The following LPGAT1 variants were observed in gnomAD, a reference collection of about 807,000 sequenced individuals.
LPGAT1 encodes the protein lysophosphatidylglycerol acyltransferase 1.
A neutral mutation model predicts 47.5 loss-of-function variants in LPGAT1; 11 were observed. The observed-to-expected ratio is 0.23, with a 90% CI of 0.15 to 0.38. The LOEUF is 0.38. Ranked by LOEUF, LPGAT1 falls within the 10% of genes least tolerant of loss-of-function variation. The probability of loss-of-function intolerance (pLI) is 1.00; values close to 1 mark genes in which losing one functional copy is unlikely to be tolerated. For synonymous variants in LPGAT1, 138 were observed against 144.2 expected (o/e 0.96, Z 0.31); for missense variants, 293 against 439.0 (o/e 0.67, Z 2.97).
intron 2 of LPGAT1, among the ~76,000 whole-genome samples, chr1:211,819,419 G>A (rs1660288233): frequency 6.6e-6 from 1 of 152,150 alleles, no homozygotes; most frequent in African/African-American, 2.4e-5. Context: ...CTTGAGGCCA[G>A]AAGTTTCAGG....
intron 2 of LPGAT1, among the ~76,000 whole-genome samples, chr1:211,812,889 G>A (rs1157722332): frequency 1.3e-5 from 2 of 152,124 alleles, no homozygotes; most frequent in Non-Finnish European, 2.9e-5. Flanking sequence ...TTTGAATGTC[G>A]GGCCTCTAGA....
chr1:211,784,042 C>G lies in LPGAT1; in HGVS notation c.454-540G>C, dbSNP rs80078056. 3.1e-3 allele frequency among the ~76,000 whole-genome samples: 474 copies of G among 152,256 alleles called. 1 individual carries two copies. Among genetic ancestry groups the G allele is most frequent in the African/African-American group, 0.011 (452 of 41,538 alleles). On this transcript the variant is annotated intron_variant, in intron 4 of 7. Transcript: ENST00000366997. ...ATGTGAAGATGCAAGCCATAATATT[C>G]CAGGTGACAAAACAAAAAGGACAAA...
At chr1:211,773,501 C>A (rs1286115733) in intron 6 of LPGAT1, among the ~76,000 whole-genome samples, 2 of 152,174 alleles carry the variant, frequency 1.3e-5, no homozygotes. Flanking sequence ...AACACCTCTG[C>A]TTTTAGTAAT....
At position 211,750,901 on chromosome 1, in the gene LPGAT1, T is replaced by C. The variant is rs995200525; in HGVS notation, c.961+60A>G. 4 of 1,268,746 alleles carry C rather than the reference T, an allele frequency of 3.2e-6. No homozygotes were observed. The Admixed American group carries it at 7.5e-5, about 24-fold the overall frequency. 78.6% of individuals were successfully genotyped at this position (1,268,746 alleles called of 1,614,324 possible). A position where few individuals can be genotyped will look rare whatever the true frequency, so the allele number is the denominator to read the frequency against. On this transcript the variant is annotated intron_variant, in intron 7 of 7. Coordinates refer to ENST00000366997, the MANE Select transcript of LPGAT1 (RefSeq NM_014873.3). ...GATCTAATATGCAAACAGCTTTCTT[T>C]AAAAGAGGCTTTCATTACTGTTGCT...
rs564526210 is a variant in LPGAT1, at chr1:211,754,347, C to A, written c.855-3280G>T. ...GAAGTTCTATGGTATAAGGTTGGCTCCTGGCTTTCCCACAGCTGGCTTGGG... is the reference window on the plus strand; with the variant it reads ...GAAGTTCTATGGTATAAGGTTGGCTACTGGCTTTCCCACAGCTGGCTTGGG... On this transcript the variant is annotated intron_variant, in intron 6 of 7. Coordinates refer to ENST00000366997, the MANE Select transcript of LPGAT1 (RefSeq NM_014873.3). Among the ~76,000 whole-genome samples the A allele has an allele frequency of 2.3e-3, 350 of 152,256 alleles. 3 individuals are homozygous for A. The highest frequency in any genetic ancestry group is 8.4e-4 in the Non-Finnish European group (57 of 68,008).
At chr1:211,756,481 T>C (rs1289909876) in intron 6 of LPGAT1, among the ~76,000 whole-genome samples, 7 of 152,088 alleles carry the variant, frequency 4.6e-5, no homozygotes, top group Admixed American at 4.6e-4. Flanking sequence ...GTGCGCATCA[T>C]CATGCCCAGC....
At chr1:211,799,813 A>T (rs1002356387) in intron 2 of LPGAT1, among the ~76,000 whole-genome samples, 1 of 152,196 alleles carries the variant, frequency 6.6e-6, no homozygotes, top group African/African-American at 2.4e-5. Context: ...GATTGTCTTA[A>T]ATATAATATG....
intron 2 of LPGAT1, among the ~76,000 whole-genome samples, chr1:211,802,289 T>C (rs536710002): frequency 1.3e-3 from 199 of 152,134 alleles, no homozygotes; most frequent in Middle Eastern, 6.8e-3. Flanking sequence ...AAACAGGCGA[T>C]AGCTACGAAA....
intron 6 of LPGAT1, among the ~76,000 whole-genome samples, chr1:211,773,916 T>C (rs1216138053): frequency 6.6e-6 from 1 of 152,150 alleles, no homozygotes; most frequent in East Asian, 1.9e-4. Context: ...GTTGTATGCA[T>C]GCTAATAAAA....
intron 3 of LPGAT1, among the ~76,000 whole-genome samples, chr1:211,788,806 A>G (rs1658991876): frequency 6.6e-6 from 1 of 152,190 alleles, no homozygotes; most frequent in Non-Finnish European, 1.5e-5. Flanking sequence ...CTACAACCTC[A>G]GTCAAGAATG....
chr1:211,783,099 T>C, intron 5 of LPGAT1, 130 bp downstream of exon 5: 1 of 838,620 alleles, frequency 1.2e-6, no homozygotes. Context: ...TTTTAAAAAA[T>C]TACAGTTTCA....
At chr1:211,819,608 T>A (rs1442685103) in intron 2 of LPGAT1, among the ~76,000 whole-genome samples, 1 of 152,012 alleles carries the variant, frequency 6.6e-6, no homozygotes, top group African/African-American at 2.4e-5. Flanking sequence ...GGAGAGCAGC[T>A]TATAGGGCAA....
chr1:211,761,690 T>C (rs1247450341), intron 6 of LPGAT1, among the ~76,000 whole-genome samples: 1 of 152,238 alleles, frequency 6.6e-6, no homozygotes, highest in Non-Finnish European at 1.5e-5. Context: ...TACTTAGAGA[T>C]ACAAATAGTT....
At chr1:211,772,509 G>C (rs976542597) in intron 6 of LPGAT1, among the ~76,000 whole-genome samples, 1 of 152,134 alleles carries the variant, frequency 6.6e-6, no homozygotes, top group African/African-American at 2.4e-5. Context: ...GGTTAATCTG[G>C]AAGAACTGTC....
chr1:211,813,918 C>T (rs536424466), intron 2 of LPGAT1, among the ~76,000 whole-genome samples: 20 of 152,264 alleles, frequency 1.3e-4, no homozygotes, highest in African/African-American at 4.8e-4. Flanking sequence ...AGGTAATAGT[C>T]AAGAACATGA....
At position 211,767,731 on chromosome 1, in the gene LPGAT1, T is replaced by G. The variant is rs1355767345; in HGVS notation, c.854+11187A>C. ...AATTATTAGATAGCTGAAGTAGAGA[T>G]GAAATTATCAATAATTATAAGCAAT... On this transcript the variant is annotated intron_variant, in intron 6 of 7. Coordinates refer to ENST00000366997, the MANE Select transcript of LPGAT1 (RefSeq NM_014873.3). 2.0e-5 allele frequency among the ~76,000 whole-genome samples: 3 copies of G among 152,122 alleles called. No individual in the cohort carries two copies. In the East Asian group the frequency reaches 5.8e-4, roughly 29 times the overall value.
At chr1:211,776,899 T>G (rs1658427901) in intron 6 of LPGAT1, among the ~76,000 whole-genome samples, 1 of 152,154 alleles carries the variant, frequency 6.6e-6, no homozygotes, top group Non-Finnish European at 1.5e-5. Flanking sequence ...CTCCCCACTT[T>G]AAGCAGTTGA....
chr1:211,806,398 C>A (rs141606709), intron 2 of LPGAT1, among the ~76,000 whole-genome samples: 1 of 151,142 alleles, frequency 6.6e-6, no homozygotes, highest in African/African-American at 2.4e-5. Flanking sequence ...GAAGCCATTA[C>A]GCTAAGCAAA....
intron 3 of LPGAT1, chr1:211,792,372 T>C (rs984342881): frequency 6.7e-6 from 1 of 150,266 alleles, no homozygotes; most frequent in African/African-American, 2.4e-5. Flanking sequence ...GCCTCCCGAG[T>C]AGCTGGAACT....
Sources: allele counts gnomAD v4.1 joint callset (sites outside exome capture counted in the v4.1 genomes callset), GRCh38; gene constraint gnomAD v4.1.1; transcripts MANE v1.5; gene names NCBI Gene and HGNC (gene_info 2026-07-23, HGNC 2026-07-21).